The following HDAC4 variants were observed in gnomAD, a reference collection of about 807,000 sequenced individuals.
The protein encoded by HDAC4 is histone deacetylase A.
A neutral mutation model predicts 135.1 loss-of-function variants in HDAC4; 16 were observed. The observed-to-expected ratio is 0.12, with a 90% CI of 0.08 to 0.18. The LOEUF is 0.18. Ranked by LOEUF, HDAC4 falls within the 10% of genes least tolerant of loss-of-function variation. The probability of loss-of-function intolerance (pLI) is 1.00; values close to 1 mark genes in which losing one functional copy is unlikely to be tolerated. For missense variants in HDAC4, 1,143 were observed against 1,511.8 expected, an observed-to-expected ratio of 0.76 and a Z score of 4.05; for synonymous variants, 685 against 653.4, an observed-to-expected ratio of 1.05 and a Z score of -0.74.
chr2:239,057,039 G>A (rs963318534), intron 24 of HDAC4, among the ~76,000 whole-genome samples: 4 of 152,208 alleles, frequency 2.6e-5, no homozygotes, highest in Non-Finnish European at 5.9e-5. Flanking sequence ...ATGGAGAAAG[G>A]GCAGTTGTGG....
At chr2:239,248,736 A>AT (rs1194646587) in intron 2 of HDAC4, among the ~76,000 whole-genome samples, 6 of 152,152 alleles carry the variant, frequency 3.9e-5, no homozygotes, top group Non-Finnish European at 5.9e-5. Flanking sequence ...TATTGTCCCC[A>AT]TTTTAAAGAA....
chr2:239,193,605 A>T (rs1176624917), intron 3 of HDAC4, among the ~76,000 whole-genome samples: 1 of 152,140 alleles, frequency 6.6e-6, no homozygotes, highest in Non-Finnish European at 1.5e-5. Context: ...GGGACGGGGG[A>T]GCCCAGAGAC....
At chr2:239,368,409 C>T (rs1694372515) in intron 1 of HDAC4, among the ~76,000 whole-genome samples, 1 of 152,202 alleles carries the variant, frequency 6.6e-6, no homozygotes, top group South Asian at 2.1e-4. Flanking sequence ...GTGGCTGGCG[C>T]TGCTGCATTT....
rs146583845 is a variant in HDAC4, at chr2:239,306,014, C to A, written c.22+46664G>T. Among the ~76,000 whole-genome samples, 9 of 152,284 alleles carry A rather than the reference C, an allele frequency of 5.9e-5. No homozygotes were observed. In the East Asian group the frequency reaches 1.5e-3, roughly 26 times the overall value. The stretch of plus-strand genomic sequence containing the variant: ...AAGCACAGTGTCTGCGTCTCCCCCA[C>A]GCTGAAATGATTCCTAGTGTCCTAG... On this transcript the variant is annotated intron_variant, in intron 2 of 26. Transcript: ENST00000543185. This position sits in a 1 kb window ranked among gnomAD's most constrained non-coding sequence, Gnocchi z 4.5.
At chr2:239,380,217 C>T (rs983735600) in intron 1 of HDAC4, among the ~76,000 whole-genome samples, 1 of 152,218 alleles carries the variant, frequency 6.6e-6, no homozygotes, top group African/African-American at 2.4e-5. Context: ...CTGCGGAATG[C>T]GCGAGCTCTG....
chr2:239,250,282 G>A (rs1344737413), intron 2 of HDAC4, among the ~76,000 whole-genome samples: 2 of 152,270 alleles, frequency 1.3e-5, no homozygotes, highest in African/African-American at 4.8e-5. Context: ...AGGGGTCCGA[G>A]AGGAGAGGTC....
intron 1 of HDAC4, among the ~76,000 whole-genome samples, chr2:239,399,236 G>A (rs1468453627): frequency 6.6e-6 from 1 of 152,196 alleles, no homozygotes; most frequent in African/African-American, 2.4e-5. Flanking sequence ...ACTCCATTCT[G>A]ATGAAACTTC....
At chr2:239,079,225 A>C (rs1448474956) in intron 22 of HDAC4, among the ~76,000 whole-genome samples, 1 of 152,216 alleles carries the variant, frequency 6.6e-6, no homozygotes, top group Non-Finnish European at 1.5e-5. Context: ...CTTCTCTCTT[A>C]AATTAGGCAG....
In HDAC4 at chr2:239,291,775, T is replaced by G. The variant is rs182927106; in HGVS notation, c.23-55111A>C. 1.7e-3 allele frequency among the ~76,000 whole-genome samples: 254 copies of G among 152,272 alleles called. 1 individual carries two copies. Among genetic ancestry groups the G allele is most frequent in the African/African-American group, 5.3e-3 (221 of 41,572 alleles). On this transcript the variant is annotated intron_variant, in intron 2 of 26. Coordinates refer to ENST00000543185, the MANE Select transcript of HDAC4 (RefSeq NM_001378414.1). ...TGGTTCTTCTAAGTCCACACAGATATCATAAAGAAGATTTCCAGTGTCCAC... is the reference window on the plus strand; with the variant it reads ...TGGTTCTTCTAAGTCCACACAGATAGCATAAAGAAGATTTCCAGTGTCCAC...
chr2:239,195,106 G>T (rs774450767), intron 3 of HDAC4, among the ~76,000 whole-genome samples: 3 of 152,170 alleles, frequency 2.0e-5, no homozygotes, highest in Non-Finnish European at 4.4e-5. Flanking sequence ...AGGCTGGGGA[G>T]TCGGGCTCAC....
intron 2 of HDAC4, among the ~76,000 whole-genome samples, chr2:239,338,282 C>T (rs34836468): frequency 0.025 from 3,766 of 152,280 alleles, 66 homozygotes; most frequent in Middle Eastern, 0.078. Flanking sequence ...ATGCAGCTTC[C>T]TATCCACCAC....
chr2:239,083,401 C>T (rs865968693), intron 20 of HDAC4, among the ~76,000 whole-genome samples: 8 of 152,194 alleles, frequency 5.3e-5, no homozygotes, highest in Non-Finnish European at 7.4e-5. Flanking sequence ...CCTGCCTCTC[C>T]GAAACAGCAT....
intron 15 of HDAC4, among the ~76,000 whole-genome samples, chr2:239,103,406 G>A (rs2037837598): frequency 6.6e-6 from 1 of 152,202 alleles, no homozygotes; most frequent in East Asian, 1.9e-4. Context: ...GTCTCTCTGA[G>A]GTTTGGAAAT....
Position 239,331,969 on chromosome 2 carries a change from C to A in HDAC4, c.22+20709G>T, listed in dbSNP as rs551590296. Among the ~76,000 whole-genome samples, 1 of 152,054 alleles carries A rather than the reference C, an allele frequency of 6.6e-6. No individual in the cohort carries two copies. The highest frequency in any genetic ancestry group is 2.1e-4 in the South Asian group (1 of 4,812). ...GTCCTCACAGAATCCGCAGCTTGAG[C>A]GTAAGAAGGGATACAAGAGGGAAAG... On this transcript the variant is annotated intron_variant, in intron 2 of 26. Transcript: ENST00000543185. This position sits in a 1 kb window ranked among gnomAD's most constrained non-coding sequence, Gnocchi z 4.5.
chr2:239,095,599 G>A (rs531466166), intron 16 of HDAC4, among the ~76,000 whole-genome samples: 21 of 152,278 alleles, frequency 1.4e-4, no homozygotes, highest in Non-Finnish European at 2.5e-4. Flanking sequence ...CAGGCGGAGC[G>A]TGTACAGCTG....
chr2:239,376,541 G>A (rs1012268260), intron 1 of HDAC4, among the ~76,000 whole-genome samples: 1 of 152,244 alleles, frequency 6.6e-6, no homozygotes, highest in East Asian at 1.9e-4. Context: ...CCGAAGGCAC[G>A]TGTCTACTAC....
chr2:239,316,618 G>A (rs1230278599), intron 2 of HDAC4, among the ~76,000 whole-genome samples: 1 of 152,108 alleles, frequency 6.6e-6, no homozygotes, highest in Non-Finnish European at 1.5e-5. Context: ...GCGGCTGGAT[G>A]AATTGCAGAG....
At chr2:239,320,469 A>G (rs986341308) in intron 2 of HDAC4, among the ~76,000 whole-genome samples, 2 of 151,950 alleles carry the variant, frequency 1.3e-5, no homozygotes, top group African/African-American at 4.8e-5. Context: ...GATCTCCACC[A>G]GTGACAAATG....
chr2:239,075,085 G>C (rs1052881797), intron 22 of HDAC4, among the ~76,000 whole-genome samples: 1 of 151,902 alleles, frequency 6.6e-6, no homozygotes, highest in Non-Finnish European at 1.5e-5. Context: ...TTAGCTGGGC[G>C]TGGTGGCGGG....
Sources: gnomAD v4.1 joint callset for allele counts (sites outside exome capture counted in the v4.1 genomes callset) on GRCh38, gnomAD v4.1.1 for gene constraint, Gnocchi (gnomAD v3.1) non-coding constraint, MANE v1.5 for transcripts, NCBI Gene and HGNC (gene_info 2026-07-23, HGNC 2026-07-21) for gene names.